Variants in CCDC150 observed in about 807,000 individuals in gnomAD.
CCDC150 encodes the protein coiled-coil domain-containing protein 150.
In CCDC150, 151 loss-of-function variants were observed where a neutral mutation model predicts 156.5. The observed-to-expected ratio is 0.97, with a 90% CI of 0.85 to 1.10. The LOEUF is 1.10. Among genes scored for constraint, CCDC150 ranks in the 50% least tolerant of loss-of-function variants. The probability of loss-of-function intolerance (pLI) is 0.00; values close to 1 mark genes in which losing one functional copy is unlikely to be tolerated. For missense variants in CCDC150, 1,312 were observed against 1,268.1 expected (o/e 1.03, Z -0.53); for synonymous variants, 452 against 429.4 (o/e 1.05, Z -0.65).
In CCDC150 at chr2:196,696,298, A is replaced by G. The variant is rs532516094; in HGVS notation, c.1623+1139A>G. Among the ~76,000 whole-genome samples, 4 of 152,278 alleles carry G rather than the reference A, an allele frequency of 2.6e-5. No homozygotes were observed. In the South Asian group the frequency reaches 8.3e-4, roughly 32 times the overall value. ...TAGTATCTGAACTGTCTCAGAGAAA[A>G]AAAAAAAGCCTGTAAGTGCCTATTG... On this transcript the variant is annotated intron_variant, in intron 14 of 27. Coordinates refer to ENST00000389175, the MANE Select transcript of CCDC150 (RefSeq NM_001080539.2).
chr2:196,704,893 A>C (rs1475485558), intron 15 of CCDC150, among the ~76,000 whole-genome samples: 1 of 152,122 alleles, frequency 6.6e-6, no homozygotes, highest in Non-Finnish European at 1.5e-5. Context: ...TCATTTTTTT[A>C]TGGCTGCATA....
At chr2:196,696,307 C>T (rs1274852728) in intron 14 of CCDC150, among the ~76,000 whole-genome samples, 1 of 151,862 alleles carries the variant, frequency 6.6e-6, no homozygotes, top group African/African-American at 2.4e-5. Flanking sequence ...AAAAAAAAAG[C>T]CTGTAAGTGC....
chr2:196,719,564 A>G lies in CCDC150; in HGVS notation c.2063A>G (p.Glu688Gly), dbSNP rs1375404903. ...AACTGCAAAGTCACAATCATGTTGG[A>G]GAATGTGCTGGCTTCTCACAGTAAG... ...EDNCKVTIML[E>G]NVLASHSKMQ... The change falls in exon 19 of 28, where the codon GAG becomes GGG. Residue 688 changes from glutamate (E) to glycine (G), a missense_variant. Transcript: ENST00000389175. The G allele has an allele frequency of 6.2e-7, 1 of 1,613,236 alleles. No homozygotes were observed. The highest frequency in any genetic ancestry group is 1.7e-5 in the Admixed American group (1 of 59,942).
At chr2:196,715,065 A>G (rs184003284) in intron 17 of CCDC150, among the ~76,000 whole-genome samples, 35 of 152,280 alleles carry the variant, frequency 2.3e-4, no homozygotes, top group African/African-American at 7.9e-4. Flanking sequence ...AAACAGTACA[A>G]CTTCCTATGG....
intron 13 of CCDC150, among the ~76,000 whole-genome samples, chr2:196,680,093 A>G (rs1694732069): frequency 6.6e-6 from 1 of 152,070 alleles, no homozygotes; most frequent in Admixed American, 6.6e-5. Flanking sequence ...ATTTTCTTTC[A>G]AAGAGCAGAA....
At position 196,732,481 on chromosome 2, in the gene CCDC150, A is replaced by G. The variant is rs1463459787; in HGVS notation, c.3225A>G (p.Gln1075=). ...QDVKHDVMSN[Q]SVLHRWERKQ... is the part of the protein sequence containing the mutation. ...TAAAACATGATGTCATGTCCAACCA[A>G]TCTGTTCTGCATCGATGGGAGAGAA... The change falls in exon 28 of 28, where the codon CAA becomes CAG. Residue 1075 remains glutamine, a synonymous_variant. Transcript: ENST00000389175. 5.6e-6 allele frequency: 9 copies of G among 1,613,478 alleles called. No homozygotes were observed. Among genetic ancestry groups the G allele is most frequent in the Admixed American group, 1.7e-5 (1 of 60,002 alleles).
At chr2:196,663,100 A>G (rs1005913107) in intron 5 of CCDC150, among the ~76,000 whole-genome samples, 9 of 152,062 alleles carry the variant, frequency 5.9e-5, no homozygotes, top group African/African-American at 2.2e-4. Flanking sequence ...TTAGCTGGGC[A>G]TGGTGGCACA....
chr2:196,655,080 C>G (rs1693110411), intron 2 of CCDC150, among the ~76,000 whole-genome samples: 1 of 152,222 alleles, frequency 6.6e-6, no homozygotes, highest in Non-Finnish European at 1.5e-5. Context: ...CTTCTATCCT[C>G]AGGGTGAAGC....
intron 17 of CCDC150, chr2:196,713,680 C>A: frequency 7.1e-7 from 1 of 1,409,824 alleles, no homozygotes; most frequent in South Asian, 1.8e-5. Context: ...TTAAACAGGA[C>A]TCGGTAAGTG....
intron 5 of CCDC150, among the ~76,000 whole-genome samples, chr2:196,659,463 TTC>T (rs1693425932): frequency 6.6e-6 from 1 of 152,184 alleles, no homozygotes; most frequent in African/African-American, 2.4e-5. Context: ...ATTTAAAAGA[TTC>T]TGTTAATACA....
At chr2:196,721,798 A>G (rs1458071618) in intron 21 of CCDC150, 107 bp downstream of exon 21, 2 of 925,994 alleles carry the variant, frequency 2.2e-6, no homozygotes, top group South Asian at 2.0e-5. Flanking sequence ...CTTTTCTCCT[A>G]CTTTGCCCTA....
intron 13 of CCDC150, among the ~76,000 whole-genome samples, chr2:196,680,021 A>T (rs892649970): frequency 6.6e-6 from 1 of 152,154 alleles, no homozygotes; most frequent in Non-Finnish European, 1.5e-5. Context: ...GTTTGTATAT[A>T]TACAAGTCTT....
intron 12 of CCDC150, 52 bp downstream of exon 12, chr2:196,676,783 T>A: frequency 7.0e-7 from 1 of 1,438,572 alleles, no homozygotes; most frequent in Non-Finnish European, 9.6e-7. Context: ...GATGATGTTT[T>A]AAAATTGCAT....
chr2:196,711,598 TGTGA>T (rs773684347), intron 15 of CCDC150, among the ~76,000 whole-genome samples: 143 of 152,334 alleles, frequency 9.4e-4, no homozygotes, highest in African/African-American at 3.0e-3. Flanking sequence ...AAGAGAGACT[TGTGA>T]GTATCATCTT....
At chr2:196,684,131 CTG>C (rs1281930372) in intron 13 of CCDC150, among the ~76,000 whole-genome samples, 4 of 152,032 alleles carry the variant, frequency 2.6e-5, no homozygotes, top group African/African-American at 9.7e-5. Flanking sequence ...AGGAGTCACT[CTG>C]AACCTATTCT....
At chr2:196,699,554 C>G (rs922751810) in intron 14 of CCDC150, among the ~76,000 whole-genome samples, 3 of 150,248 alleles carry the variant, frequency 2.0e-5, no homozygotes, top group African/African-American at 7.4e-5. Flanking sequence ...GGGTCTTGCT[C>G]TGTCTTCCAG....
chr2:196,639,816 G>T, intron 1 of CCDC150, 38 bp downstream of exon 1: 1 of 1,561,024 alleles, frequency 6.4e-7, no homozygotes, highest in Non-Finnish European at 8.7e-7. Context: ...AGGGGTGGTC[G>T]GAGGCTCGCG....
chr2:196,729,465 G>A (rs745657293), intron 23 of CCDC150, 78 bp downstream of exon 23: 1 of 1,414,462 alleles, frequency 7.1e-7, no homozygotes, highest in Non-Finnish European at 9.9e-7. Flanking sequence ...GGGAAGACAG[G>A]TTTTAGAACC....
At chr2:196,690,883 A>G (rs1037890503) in intron 13 of CCDC150, among the ~76,000 whole-genome samples, 2 of 152,214 alleles carry the variant, frequency 1.3e-5, no homozygotes, top group South Asian at 2.1e-4. Flanking sequence ...TGTTCCTTCA[A>G]TACCTAGTTT....
Sources: gnomAD v4.1 joint callset for allele counts (sites outside exome capture counted in the v4.1 genomes callset) on GRCh38, gnomAD v4.1.1 for gene constraint, MANE v1.5 for transcripts, NCBI Gene and HGNC (gene_info 2026-07-23, HGNC 2026-07-21) for gene names.